The following PCDH15 variants were observed in gnomAD, a reference collection of about 807,000 sequenced individuals.
The protein encoded by PCDH15 is protocadherin related 15.
A neutral mutation model predicts 178.5 loss-of-function variants in PCDH15; 129 were observed. The ratio of observed to expected loss-of-function variants is 0.72; its 90% CI spans 0.63 to 0.84. PCDH15 has a LOEUF of 0.84. Ranked by LOEUF, PCDH15 falls within the 40% of genes least tolerant of loss-of-function variation. The pLI is 0.00. For synonymous variants in PCDH15, 800 were observed against 732.0 expected (o/e 1.09, Z -1.50); for missense variants, 2,230 against 2,099.9 (o/e 1.06, Z -1.21).
chr10:54,444,183 T>C (rs2076007570), intron 3 of PCDH15, among the ~76,000 whole-genome samples: 1 of 151,700 alleles, frequency 6.6e-6, no homozygotes, highest in Non-Finnish European at 1.5e-5. Flanking sequence ...CTGAAAAAAA[T>C]CTTGCTGTAA....
At position 54,408,052 on chromosome 10, in the gene PCDH15, C is replaced by CAAA. The variant is rs71461239; in HGVS notation, c.158-29113_158-29111dup. Among the ~76,000 whole-genome samples, 413 of 83,702 alleles carry CAAA rather than the reference C, an allele frequency of 4.9e-3. 21 individuals carry two copies. The highest frequency in any genetic ancestry group is 0.018 in the African/African-American group (382 of 21,362). The allele number at this position is 83,702 out of a possible 152,430, so 54.9% of individuals were successfully genotyped here. On this transcript the variant is annotated intron_variant, in intron 3 of 37. Coordinates refer to ENST00000644397, the MANE Select transcript of PCDH15 (RefSeq NM_001384140.1). ...CCTGGGTGACAGAATGAGACTCTGT[C>CAAA]AAAAAAAAAAAAAAAAAAGGAAAAG... is the stretch of plus-strand genomic sequence containing the variant.
chr10:54,154,197 A>G (rs12245360), intron 13 of PCDH15, among the ~76,000 whole-genome samples: 2,371 of 152,270 alleles, frequency 0.016, 77 homozygotes, highest in African/African-American at 0.055. Context: ...GGGGAAAAAG[A>G]ATATAAAGGG....
intron 2 of PCDH15, among the ~76,000 whole-genome samples, chr10:55,457,981 C>A (rs951845772): frequency 1.3e-5 from 2 of 151,956 alleles, no homozygotes; most frequent in Non-Finnish European, 2.9e-5. Flanking sequence ...TTCTAGTGAT[C>A]TAATCCTGAG....
intron 2 of PCDH15, among the ~76,000 whole-genome samples, chr10:55,448,678 A>T (rs1188666228): frequency 6.6e-6 from 1 of 152,010 alleles, no homozygotes; most frequent in Non-Finnish European, 1.5e-5. Flanking sequence ...AATCTCTCAA[A>T]ATATATTAAT....
chr10:54,737,535 GT>G (rs1471301684), intron 1 of PCDH15, among the ~76,000 whole-genome samples: 1 of 152,062 alleles, frequency 6.6e-6, no homozygotes, highest in Non-Finnish European at 1.5e-5. Flanking sequence ...AACTACTAGT[GT>G]AAGTACAAAA....
intron 2 of PCDH15, chr10:55,575,805 C>T (rs561840088): frequency 2.6e-5 from 4 of 152,278 alleles, no homozygotes; most frequent in South Asian, 4.1e-4. Flanking sequence ...TGAAATACCA[C>T]ACTTGAATAT....
chr10:55,232,148 T>C (rs1489097683), intron 1 of PCDH15, among the ~76,000 whole-genome samples: 1 of 151,990 alleles, frequency 6.6e-6, no homozygotes, highest in Non-Finnish European at 1.5e-5. Context: ...TTTTGTTGAA[T>C]TTTAGATATG....
chr10:53,920,507 G>T (rs148106620), intron 25 of PCDH15, among the ~76,000 whole-genome samples: 1 of 151,500 alleles, frequency 6.6e-6, no homozygotes, highest in Admixed American at 6.6e-5. Flanking sequence ...TCTTCTTTTC[G>T]TATTTTATTT....
chr10:54,728,972 CATT>C (rs1363597113), intron 1 of PCDH15, among the ~76,000 whole-genome samples: 1 of 151,474 alleles, frequency 6.6e-6, no homozygotes, highest in Non-Finnish European at 1.5e-5. Context: ...TAACAAGAAT[CATT>C]ATAGTAAAAA....
intron 3 of PCDH15, among the ~76,000 whole-genome samples, chr10:54,839,940 G>C (rs1464491097): frequency 6.6e-6 from 1 of 151,630 alleles, no homozygotes; most frequent in Non-Finnish European, 1.5e-5. Flanking sequence ...ATAAAAGGAA[G>C]ATAAAAACAT....
rs116486988 is a variant in PCDH15, at chr10:54,905,674, T to C, written c.-79-8174A>G. ...TAGGTCGTGAAAGAGAATATTGCTA[T>C]AATCCTTAGAAAGCTGGATAGAGTT... On this transcript the variant is annotated intron_variant, in intron 2 of 5. Coordinates refer to the PCDH15 transcript ENST00000458638. Among the ~76,000 whole-genome samples, 486 of 152,242 alleles carry C rather than the reference T, an allele frequency of 3.2e-3. 3 individuals are homozygous for C. The highest frequency in any genetic ancestry group is 0.011 in the African/African-American group (469 of 41,572).
chr10:55,153,101 G>A (rs1813475), intron 2 of PCDH15, among the ~76,000 whole-genome samples: 69,258 of 151,762 alleles, frequency 0.46, 16,241 homozygotes, highest in Admixed American at 0.56. Context: ...TTTGAAAGGT[G>A]TCATTATTTT....
chr10:54,117,675 G>T (rs2095139723), intron 15 of PCDH15, among the ~76,000 whole-genome samples: 1 of 152,086 alleles, frequency 6.6e-6, no homozygotes, highest in East Asian at 1.9e-4. Flanking sequence ...AAAGTGTGTA[G>T]CTCCTTTCCT....
rs543291132 is a variant in PCDH15 at position 55,094,028 on chromosome 10, G to A, written c.-80+72548C>T. The stretch of plus-strand genomic sequence containing the variant: ...AACTAGAAATACCATTTGACCCAGG[G>A]AACCCATTGCTGGGTATATACCCAA... On this transcript the variant is annotated intron_variant, in intron 2 of 5. Transcript: ENST00000458638. Among the ~76,000 whole-genome samples, 2 of 151,950 alleles carry A rather than the reference G, an allele frequency of 1.3e-5. 1 individual carries two copies. The highest frequency in any genetic ancestry group is 4.2e-4 in the South Asian group (2 of 4,812).
At chr10:54,478,799 C>G (rs2078469893) in intron 3 of PCDH15, among the ~76,000 whole-genome samples, 1 of 151,962 alleles carries the variant, frequency 6.6e-6, no homozygotes, top group East Asian at 1.9e-4. Flanking sequence ...ACCATTAATA[C>G]AGCTGCGGTA....
At chr10:53,951,174 G>A (rs2086996796) in intron 23 of PCDH15, among the ~76,000 whole-genome samples, 1 of 152,098 alleles carries the variant, frequency 6.6e-6, no homozygotes, top group Admixed American at 6.6e-5. Context: ...AAAACAAATT[G>A]TAGAAAATGA....
Position 54,183,538 on chromosome 10 carries a change from A to C in PCDH15, c.1496T>G (p.Val499Gly). 1 of 1,613,960 alleles carries C rather than the reference A, an allele frequency of 6.2e-7. No homozygotes were observed. The highest frequency in any genetic ancestry group is 1.3e-5 in the African/African-American group (1 of 75,020). The change falls in exon 13 of 38, where the codon GTG becomes GGG. Residue 499 changes from valine to glycine, a missense_variant. Transcript: ENST00000644397. ...ESEPVIVNIQ[V>G]MDANDNTPTF... The stretch of plus-strand genomic sequence containing the variant: ...TGGCGTGTTATCATTTGCATCCATC[A>C]CTTGAATATTGACGATGACTGGCTC...
intron 18 of PCDH15, among the ~76,000 whole-genome samples, chr10:54,044,794 A>G (rs2093625135): frequency 6.6e-6 from 1 of 152,138 alleles, no homozygotes; most frequent in Admixed American, 6.6e-5. Flanking sequence ...AGGTAAACTA[A>G]AGCCGCATCA....
chr10:54,686,552 A>T (rs1265570916), intron 1 of PCDH15, among the ~76,000 whole-genome samples: 1 of 152,028 alleles, frequency 6.6e-6, no homozygotes, highest in Non-Finnish European at 1.5e-5. Flanking sequence ...TGAGTCTTAC[A>T]TTTACGTCAA....
Sources: gnomAD v4.1 joint callset for allele counts (sites outside exome capture counted in the v4.1 genomes callset) on GRCh38, gnomAD v4.1.1 for gene constraint, MANE v1.5 for transcripts, NCBI Gene and HGNC (gene_info 2026-07-23, HGNC 2026-07-21) for gene names.